The following JAZF1 variants were observed in gnomAD, a reference collection of about 807,000 sequenced individuals.
JAZF1 encodes juxtaposed with another zinc finger protein 1.
Under a neutral mutation model 26.4 loss-of-function variants are expected in JAZF1, and 8 were observed. The observed-to-expected ratio is 0.30, with a 90% CI of 0.18 to 0.55. JAZF1 has a LOEUF of 0.55. Ranked by LOEUF, JAZF1 falls within the 20% of genes least tolerant of loss-of-function variation. JAZF1 has a pLI of 0.94. For missense variants in JAZF1, 199 were observed against 322.0 expected (o/e 0.62, Z 2.92); for synonymous variants, 126 against 122.3 (o/e 1.03, Z -0.20).
In JAZF1 at chr7:28,175,047, C is replaced by G. The variant is rs1783528899; in HGVS notation, c.115+5416G>C. 1.3e-5 allele frequency among the ~76,000 whole-genome samples: 2 copies of G among 152,132 alleles called. 1 individual carries two copies. The highest frequency in any genetic ancestry group is 2.9e-5 in the Non-Finnish European group (2 of 68,016). ...AAGTGTCCTCAATGGAATGCACCCA[C>G]AGGCCCAAGGCACAGTGCCTCTTTC... On this transcript the variant is annotated intron_variant, in intron 1 of 4. Transcript: ENST00000283928.
At chr7:27,951,561 C>T (rs1331392881) in intron 2 of JAZF1, among the ~76,000 whole-genome samples, 1 of 152,186 alleles carries the variant, frequency 6.6e-6, no homozygotes, top group African/African-American at 2.4e-5. Context: ...CAGGTGTGTC[C>T]AGTTTTGTAA....
intron 2 of JAZF1, among the ~76,000 whole-genome samples, chr7:27,982,693 C>T (rs571841799): frequency 7.6e-4 from 115 of 152,282 alleles, no homozygotes; most frequent in Middle Eastern, 3.4e-3. Flanking sequence ...AACTGGGAGA[C>T]ACCTCCCAGT....
chr7:27,833,051 T>C (rs1440360227), intron 4 of JAZF1, 75 bp from the exon 5 acceptor site: 9 of 1,257,170 alleles, frequency 7.2e-6, no homozygotes, highest in African/African-American at 1.5e-5. Context: ...TCAATTTGGG[T>C]CTGGATTGCA....
At chr7:27,930,212 G>A (rs766555898) in intron 2 of JAZF1, among the ~76,000 whole-genome samples, 1 of 152,094 alleles carries the variant, frequency 6.6e-6, no homozygotes, top group African/African-American at 2.4e-5. Flanking sequence ...AGCCAGGATG[G>A]TCTCAATCTC....
At chr7:28,040,594 G>C (rs865926564) in intron 1 of JAZF1, among the ~76,000 whole-genome samples, 1 of 152,276 alleles carries the variant, frequency 6.6e-6, no homozygotes, top group South Asian at 2.1e-4. Context: ...CAGGTGTGAG[G>C]AGGAGGAAGG....
intron 1 of JAZF1, among the ~76,000 whole-genome samples, chr7:28,153,218 T>C (rs1020696030): frequency 2.6e-5 from 4 of 152,142 alleles, no homozygotes; most frequent in Non-Finnish European, 4.4e-5. Context: ...CTTAACACTG[T>C]CAGCCAGGAA....
In JAZF1 at chr7:27,982,312, A is replaced by G. The variant is rs545127028; in HGVS notation, c.188+9597T>C. 4.6e-3 allele frequency among the ~76,000 whole-genome samples: 448 copies of G among 97,894 alleles called. 4 individuals are homozygous for G. Among genetic ancestry groups the G allele is most frequent in the African/African-American group, 0.014 (409 of 28,700 alleles). 64.2% of individuals were successfully genotyped at this position (97,894 alleles called of 152,430 possible). The stretch of plus-strand genomic sequence containing the variant: ...CACACCAGGAGATTATATCCCGCGC[A>G]TGGCTCAGAGGGTCCCACGCCCATG... On this transcript the variant is annotated intron_variant, in intron 2 of 4. Transcript: ENST00000283928.
At chr7:28,121,759 T>C (rs1562594788) in intron 1 of JAZF1, among the ~76,000 whole-genome samples, 3 of 152,250 alleles carry the variant, frequency 2.0e-5, no homozygotes, top group Admixed American at 1.3e-4. Context: ...GGGCATAGAT[T>C]CTGAAGTCCA....
At chr7:27,856,071 T>C (rs1455217367) in intron 3 of JAZF1, among the ~76,000 whole-genome samples, 1 of 152,200 alleles carries the variant, frequency 6.6e-6, no homozygotes. Flanking sequence ...GGTGGGTTCT[T>C]GGTCTCACTG....
intron 2 of JAZF1, among the ~76,000 whole-genome samples, chr7:27,959,977 C>G (rs1785162665): frequency 6.6e-6 from 1 of 151,978 alleles, no homozygotes; most frequent in Admixed American, 6.6e-5. Flanking sequence ...TGCCCTTTCA[C>G]AGATGATAAG....
intron 2 of JAZF1, among the ~76,000 whole-genome samples, chr7:27,924,844 G>A (rs1054767514): frequency 6.6e-6 from 1 of 152,210 alleles, no homozygotes; most frequent in African/African-American, 2.4e-5. Context: ...TAAGACAATG[G>A]TGAGTTAGTT....
chr7:27,954,392 G>A (rs914907909), intron 2 of JAZF1, among the ~76,000 whole-genome samples: 2 of 152,130 alleles, frequency 1.3e-5, no homozygotes, highest in African/African-American at 4.8e-5. Flanking sequence ...AACAGAGTAT[G>A]GTCGGCAGTG....
intron 2 of JAZF1, among the ~76,000 whole-genome samples, chr7:27,962,352 C>A (rs1785199790): frequency 6.6e-6 from 1 of 151,996 alleles, no homozygotes; most frequent in South Asian, 2.1e-4. Context: ...ACAACCATAC[C>A]CATTAAGTGT....
intron 3 of JAZF1, among the ~76,000 whole-genome samples, chr7:27,884,620 T>C (rs1462131438): frequency 6.6e-6 from 1 of 152,204 alleles, no homozygotes; most frequent in Non-Finnish European, 1.5e-5. Flanking sequence ...TGAGTACCCT[T>C]TGTGTCAGGC....
chr7:27,906,903 G>A (rs560235009), intron 2 of JAZF1, among the ~76,000 whole-genome samples: 1 of 152,312 alleles, frequency 6.6e-6, no homozygotes, highest in South Asian at 2.1e-4. Context: ...AGGTTTTGTG[G>A]TATAAAACTA....
intron 3 of JAZF1, among the ~76,000 whole-genome samples, chr7:27,851,487 A>G (rs1161207204): frequency 6.6e-6 from 1 of 152,098 alleles, no homozygotes; most frequent in Non-Finnish European, 1.5e-5. Context: ...CATCTCTATC[A>G]AATAAAAATT....
chr7:28,075,928 T>C (rs1406498727), intron 1 of JAZF1, among the ~76,000 whole-genome samples: 4 of 152,222 alleles, frequency 2.6e-5, no homozygotes, highest in Non-Finnish European at 5.9e-5. Flanking sequence ...GATAGAGAAC[T>C]TCTACAGGTA....
At chr7:28,062,366 C>T (rs1043998387) in intron 1 of JAZF1, among the ~76,000 whole-genome samples, 15 of 152,100 alleles carry the variant, frequency 9.9e-5, no homozygotes, top group African/African-American at 3.6e-4. Context: ...TGTGTTTTGA[C>T]GTTTTCTTGC....
chr7:27,850,367 C>A (rs1224062513), intron 3 of JAZF1, among the ~76,000 whole-genome samples: 1 of 152,194 alleles, frequency 6.6e-6, no homozygotes, highest in African/African-American at 2.4e-5. Context: ...TAGCTCATTA[C>A]TGGAATGTCA....
Sources: allele counts gnomAD v4.1 joint callset (sites outside exome capture counted in the v4.1 genomes callset), GRCh38; gene constraint gnomAD v4.1.1; transcripts MANE v1.5; gene names NCBI Gene and HGNC (gene_info 2026-07-23, HGNC 2026-07-21).